Variants in NCOR2 observed in about 807,000 individuals in gnomAD.
The protein encoded by NCOR2 is nuclear receptor corepressor 2, also known as CTG repeat protein 26.
NCOR2 carries 81 observed loss-of-function variants against 262.9 expected under a neutral mutation model. The ratio of observed to expected loss-of-function variants is 0.31; its 90% CI spans 0.26 to 0.37. NCOR2 has a LOEUF of 0.37. Among genes scored for constraint, NCOR2 ranks in the 10% least tolerant of loss-of-function variants. The probability of loss-of-function intolerance (pLI) is 1.00; values close to 1 mark genes in which losing one functional copy is unlikely to be tolerated. For synonymous variants in NCOR2, 1,659 were observed against 1,559.3 expected, an observed-to-expected ratio of 1.06 and a Z score of -1.51; for missense variants, 3,385 against 3,621.4, an observed-to-expected ratio of 0.93 and a Z score of 1.68.
upstream of NCOR2, among the ~76,000 whole-genome samples, chr12:124,496,130 T>C (rs564038332): frequency 1.9e-4 from 29 of 151,902 alleles, no homozygotes; most frequent in South Asian, 1.3e-3. This position sits in a 1 kb window ranked among gnomAD's most constrained non-coding sequence, Gnocchi z 4.4. Flanking sequence ...CTAGCAGCTT[T>C]ACAGATGGAA....
At chr12:124,527,090 C>T (rs1035358626) in intron 1 of NCOR2, among the ~76,000 whole-genome samples, 4 of 152,178 alleles carry the variant, frequency 2.6e-5, no homozygotes, top group Admixed American at 6.5e-5. Context: ...TTATGGCAGT[C>T]GTGGAAGGGA....
chr12:124,437,932 A>G lies in NCOR2; in HGVS notation c.880T>C (p.Trp294Arg), dbSNP rs539839178. ...TGGGGGCCACGGTGTGGACTTACCC[A>G]TTGTTTCCGAGCGTGATTCCTCCTC... The change falls in exon 8 of 47, where the codon TGG (tryptophan) becomes CGG (arginine). Residue 294 changes from tryptophan (W) to arginine (R), a missense_variant and splice_region_variant. By Grantham distance (101) the Trp-to-Arg change is moderately radical (BLOSUM62 -3). Coordinates refer to ENST00000405201, the Ensembl canonical transcript of NCOR2. The G allele has an allele frequency of 1.4e-5, 22 of 1,611,546 alleles. No individual in the cohort carries two copies. Among genetic ancestry groups the G allele is most frequent in the South Asian group, 3.3e-5 (3 of 90,448 alleles).
At chr12:124,462,811 C>T (rs1038651219) in intron 5 of NCOR2, among the ~76,000 whole-genome samples, 2 of 152,234 alleles carry the variant, frequency 1.3e-5, no homozygotes, top group Non-Finnish European at 2.9e-5. Context: ...CTTCTTTGCC[C>T]TGCTCAGTCC....
At chr12:124,332,965 G>A (rs756250153) in intron 42 of NCOR2, among the ~76,000 whole-genome samples, 165 bp downstream of exon 44, 4 of 152,188 alleles carry the variant, frequency 2.6e-5, no homozygotes, top group Non-Finnish European at 5.9e-5. Flanking sequence ...GGGTGGGCAT[G>A]TATCACACCC....
intron 13 of NCOR2, among the ~76,000 whole-genome samples, chr12:124,403,449 A>G (rs117950353): frequency 6.6e-6 from 1 of 151,222 alleles, no homozygotes; most frequent in Non-Finnish European, 1.5e-5. Flanking sequence ...AGGGAGTGTG[A>G]GCTCCTCCTG....
intron 3 of NCOR2, among the ~76,000 whole-genome samples, chr12:124,478,820 C>A (rs1447485808): frequency 6.6e-6 from 1 of 151,826 alleles, no homozygotes; most frequent in African/African-American, 2.4e-5. Context: ...CAGACACACA[C>A]AAACAGAAAG....
At position 124,506,898 on chromosome 12, in the gene NCOR2, G is replaced by C. The variant is rs75864020; in HGVS notation, c.-117-11530C>G. Among the ~76,000 whole-genome samples, 538 of 152,352 alleles carry C rather than the reference G, an allele frequency of 3.5e-3. 19 individuals are homozygous for C. In the East Asian group the frequency reaches 0.088, roughly 25 times the overall value. On this transcript the variant is annotated intron_variant, in intron 1 of 46. Transcript: ENST00000404621. Reference sequence around the variant, plus strand: ...GAGGCCATGCCAGAGTGGGGCTCAGGGAGCTGGGTGGCTGAGCTGGGGCTG... The same window carrying C: ...GAGGCCATGCCAGAGTGGGGCTCAGCGAGCTGGGTGGCTGAGCTGGGGCTG...
At chr12:124,479,079 G>A (rs975219929) in intron 3 of NCOR2, among the ~76,000 whole-genome samples, 2 of 151,540 alleles carry the variant, frequency 1.3e-5, no homozygotes, top group East Asian at 1.9e-4. Context: ...GCGCACGGAC[G>A]TGCTGGAGAG....
At chr12:124,370,500 A>C (rs2039411073) in intron 20 of NCOR2, among the ~76,000 whole-genome samples, 5 of 152,190 alleles carry the variant, frequency 3.3e-5, no homozygotes. Flanking sequence ...GCCCAGGACC[A>C]TTCCAAGGGA....
intron 1 of NCOR2, among the ~76,000 whole-genome samples, chr12:124,509,938 G>A (rs569038117): frequency 4.6e-5 from 7 of 152,260 alleles, no homozygotes; most frequent in African/African-American, 1.2e-4. Context: ...CTCTCTTGGA[G>A]GGAATGTCTG....
At chr12:124,537,226 G>A (rs142802101), upstream of NCOR2, among the ~76,000 whole-genome samples, 67 of 152,344 alleles carry the variant, frequency 4.4e-4, no homozygotes, top group African/African-American at 1.5e-3. Context: ...ATAATTGTTC[G>A]CTAATCTGCA....
chr12:124,333,897 C>CACGCATGTGTGTGT lies in NCOR2; in HGVS notation c.6605+526_6605+527insACACACACATGCGT, dbSNP rs1566353653. On this transcript the variant is annotated intron_variant, in intron 41 of 46. Coordinates refer to ENST00000405201, the Ensembl canonical transcript of NCOR2. ...GTGTGCGGGTGTGCATGTGTGTGTG[C>CACGCATGTGTGTGT]GCGCGCATGTGTGCGGGTGTGCATG... Among the ~76,000 whole-genome samples, 50 of 123,696 alleles carry CACGCATGTGTGTGT rather than the reference C, an allele frequency of 4.0e-4. 4 individuals are homozygous for CACGCATGTGTGTGT. The East Asian group carries it at 0.01, about 25-fold the overall frequency. 81.1% of individuals were successfully genotyped at this position (123,696 alleles called of 152,430 possible).
chr12:124,448,772 G>A (rs1263190243), intron 7 of NCOR2, among the ~76,000 whole-genome samples: 5 of 152,202 alleles, frequency 3.3e-5, no homozygotes, highest in South Asian at 2.1e-4. Flanking sequence ...AGGTTTGCAC[G>A]CTTTCAGGAA....
At chr12:124,344,807 C>G in exon 32 of NCOR2, 1 of 1,554,200 alleles carries the variant, frequency 6.4e-7, no homozygotes, top group East Asian at 2.4e-5. Context: ...TCGTAGCAGG[C>G]ACGTTCCAGT....
chr12:124,334,418 G>C lies in NCOR2; in HGVS notation c.6605+6C>G. On this transcript the variant is annotated splice_donor_region_variant and intron_variant, in intron 41 of 46. Coordinates refer to ENST00000405201, the Ensembl canonical transcript of NCOR2. Reference sequence around the variant, plus strand: ...CCAGCAAGAGGCACCCCCATCCCTCGCTCACCTCTTGCCCCCTTCGCTGTG... The same window carrying C: ...CCAGCAAGAGGCACCCCCATCCCTCCCTCACCTCTTGCCCCCTTCGCTGTG... 1 of 1,522,454 alleles carries C rather than the reference G, an allele frequency of 6.6e-7. No homozygotes were observed. The highest frequency in any genetic ancestry group is 1.4e-5 in the African/African-American group (1 of 70,510). 94.3% of individuals were successfully genotyped at this position (1,522,454 alleles called of 1,614,324 possible).
chr12:124,401,852 G>A (rs1173545210), intron 14 of NCOR2, among the ~76,000 whole-genome samples: 3 of 152,208 alleles, frequency 2.0e-5, no homozygotes, highest in South Asian at 2.1e-4. Flanking sequence ...GCGCTAAGTC[G>A]TGCCGCCCCC....
intron 11 of NCOR2, among the ~76,000 whole-genome samples, chr12:124,423,235 T>C (rs566527992): frequency 1.1e-3 from 171 of 152,274 alleles, no homozygotes; most frequent in Non-Finnish European, 2.0e-3. Context: ...GGCGGGGATG[T>C]GGGTCAAGGC....
At chr12:124,487,094 A>G (rs2047802901) in intron 1 of NCOR2, among the ~76,000 whole-genome samples, 2 of 152,226 alleles carry the variant, frequency 1.3e-5, no homozygotes, top group African/African-American at 4.8e-5. Context: ...CTGAAGGTGC[A>G]TACGGGGCAG....
intron 41 of NCOR2, among the ~76,000 whole-genome samples, chr12:124,334,119 C>T (rs2035654713): frequency 1.3e-5 from 2 of 152,214 alleles, no homozygotes; most frequent in Non-Finnish European, 1.5e-5. Context: ...ATTCACTTCT[C>T]CAGGCCTTAG....
Sources: gnomAD v4.1 joint callset for allele counts (sites outside exome capture counted in the v4.1 genomes callset) on GRCh38, gnomAD v4.1.1 for gene constraint, Gnocchi (gnomAD v3.1) non-coding constraint, MANE v1.5 for transcripts, NCBI Gene and HGNC (gene_info 2026-07-23, HGNC 2026-07-21) for gene names.